Variants in ZDHHC20 observed in about 807,000 individuals in gnomAD.
ZDHHC20 encodes the protein palmitoyltransferase ZDHHC20.
Under a neutral mutation model 57.8 loss-of-function variants are expected in ZDHHC20, and 43 were observed. That is an observed-to-expected ratio of 0.74 (90% CI 0.58 to 0.96). The LOEUF (loss-of-function observed/expected upper bound fraction) is 0.96. ZDHHC20 is among the 40% of genes least tolerant of loss of function. The probability of loss-of-function intolerance (pLI) is 0.00; values close to 1 mark genes in which losing one functional copy is unlikely to be tolerated. For missense variants in ZDHHC20, 391 were observed against 441.1 expected (o/e 0.89, Z 1.02); for synonymous variants, 157 against 153.0 (o/e 1.03, Z -0.19).
Position 21,401,638 on chromosome 13 carries a change from T to G in ZDHHC20, c.473+15A>C, listed in dbSNP as rs772064720. On this transcript the variant is annotated intron_variant, in intron 6 of 12. Coordinates refer to ENST00000400590, the MANE Select transcript of ZDHHC20 (RefSeq NM_001330059.2). ...CTCACCACCAATGCAATTTCTTCTG[T>G]TTTTTTATACATACCAAGGACAGTG... 10 of 1,534,150 alleles carry G rather than the reference T, an allele frequency of 6.5e-6. No homozygotes were observed. The Admixed American group carries it at 1.1e-4, about 17-fold the overall frequency.
chr13:21,397,160 C>A (rs111564778), intron 7 of ZDHHC20, among the ~76,000 whole-genome samples: 2 of 151,918 alleles, frequency 1.3e-5, no homozygotes, highest in Admixed American at 6.6e-5. Flanking sequence ...TTTGGGAGAC[C>A]GAGGCGGGCG....
rs374070850 is a variant in ZDHHC20, at chr13:21,375,236, C to T, written c.*1460G>A. 1 of 452,038 alleles carries T rather than the reference C, an allele frequency of 2.2e-6. No individual in the cohort carries two copies. The highest frequency in any genetic ancestry group is 4.4e-6 in the Non-Finnish European group (1 of 224,972). The allele number at this position is 452,038 out of a possible 1,614,324, so 28.0% of individuals were successfully genotyped here. A position where few individuals can be genotyped will look rare whatever the true frequency, so the allele number is the denominator to read the frequency against. ...CCAGTCCAACTTATTCACAACACCCCCTCCCCTGCAGTCCCATTTTACAGA... is the reference window on the plus strand; with the variant it reads ...CCAGTCCAACTTATTCACAACACCCTCTCCCCTGCAGTCCCATTTTACAGA... On this transcript the variant is annotated 3_prime_UTR_variant, in exon 13 of 13. Transcript: ENST00000400590.
intron 7 of ZDHHC20, among the ~76,000 whole-genome samples, chr13:21,398,342 T>C (rs1877123106): frequency 6.6e-6 from 1 of 151,792 alleles, no homozygotes; most frequent in African/African-American, 2.4e-5. Flanking sequence ...CGGGTGCCTG[T>C]AGTCCCAGCT....
chr13:21,452,695 T>G (rs149475816), intron 1 of ZDHHC20, among the ~76,000 whole-genome samples: 3 of 152,292 alleles, frequency 2.0e-5, no homozygotes, highest in East Asian at 3.9e-4. Context: ...ATGGAAGAGA[T>G]AGAAGTATAC....
At chr13:21,452,164 G>A (rs1281989058) in intron 1 of ZDHHC20, among the ~76,000 whole-genome samples, 4 of 152,074 alleles carry the variant, frequency 2.6e-5, no homozygotes, top group Admixed American at 6.5e-5. Flanking sequence ...GGCATTTGGA[G>A]ACAACATGGA....
chr13:21,380,782 T>C (rs546359327), intron 11 of ZDHHC20, among the ~76,000 whole-genome samples: 2 of 146,444 alleles, frequency 1.4e-5, no homozygotes, highest in Non-Finnish European at 3.0e-5. Context: ...CAGAGCGAAA[T>C]TCCATCTCAA....
chr13:21,404,971 T>G (rs1878243925), intron 4 of ZDHHC20, among the ~76,000 whole-genome samples: 1 of 152,192 alleles, frequency 6.6e-6, no homozygotes, highest in African/African-American at 2.4e-5. Context: ...CAAATTTGCA[T>G]TAGTTAATAT....
rs377017112 is a variant in ZDHHC20 at position 21,431,961 on chromosome 13, A to C, written c.119-6283T>G. ...AAACTCTTAATTTTGATGAAGTCTT[A>C]ATTTAATTTATCAATTTTTTTCTTT... On this transcript the variant is annotated intron_variant, in intron 1 of 12. Coordinates refer to ENST00000400590, the MANE Select transcript of ZDHHC20 (RefSeq NM_001330059.2). 2.2e-4 allele frequency among the ~76,000 whole-genome samples: 33 copies of C among 152,184 alleles called. No homozygotes were observed. The East Asian group carries it at 6.2e-3, about 28-fold the overall frequency.
At chr13:21,443,301 C>CTATG (rs1188968280) in intron 1 of ZDHHC20, among the ~76,000 whole-genome samples, 1 of 152,118 alleles carries the variant, frequency 6.6e-6, no homozygotes, top group Non-Finnish European at 1.5e-5. Flanking sequence ...TTCTCAGTTG[C>CTATG]TATGCTCTGA....
At chr13:21,438,164 T>C (rs536341219) in intron 1 of ZDHHC20, among the ~76,000 whole-genome samples, 24 of 152,322 alleles carry the variant, frequency 1.6e-4, no homozygotes, top group African/African-American at 5.3e-4. Context: ...CTGCAGCCCA[T>C]GGATCAAGGA....
intron 4 of ZDHHC20, among the ~76,000 whole-genome samples, chr13:21,403,780 T>C (rs1053302807): frequency 2.6e-5 from 4 of 152,110 alleles, no homozygotes. Flanking sequence ...CTCCGCCTCC[T>C]GGGTTCAAGC....
intron 3 of ZDHHC20, among the ~76,000 whole-genome samples, chr13:21,420,695 G>A (rs1170184932): frequency 6.6e-6 from 1 of 152,192 alleles, no homozygotes; most frequent in African/African-American, 2.4e-5. Flanking sequence ...TTTAATTGCA[G>A]CATATCTGTT....
chr13:21,438,594 T>C (rs1882795748), intron 1 of ZDHHC20, among the ~76,000 whole-genome samples: 1 of 152,238 alleles, frequency 6.6e-6, no homozygotes, highest in Non-Finnish European at 1.5e-5. Flanking sequence ...ACATGGCATC[T>C]ATACCTGGTG....
At chr13:21,442,496 C>T (rs929187772) in intron 1 of ZDHHC20, among the ~76,000 whole-genome samples, 8 of 152,220 alleles carry the variant, frequency 5.3e-5, no homozygotes, top group Admixed American at 3.9e-4. Context: ...GACTCATGCC[C>T]GTAATCCCAG....
rs759841531 is a variant in ZDHHC20 at position 21,450,757 on chromosome 13, G to GTTT, written c.118+8294_118+8296dup. On this transcript the variant is annotated intron_variant, in intron 1 of 12. Transcript: ENST00000400590. ...AAATGATAAAATTAATAAAAAGGTG[G>GTTT]TTTTTTTTTTTTTTGGAGACAGGGT... Among the ~76,000 whole-genome samples the GTTT allele has an allele frequency of 8.6e-3, 1,207 of 141,098 alleles. 21 individuals are homozygous for GTTT. Among genetic ancestry groups the GTTT allele is most frequent in the African/African-American group, 0.03 (1,153 of 38,738 alleles). The allele number at this position is 141,098 out of a possible 152,430, so 92.6% of individuals were successfully genotyped here.
chr13:21,447,209 G>C (rs1220252096), intron 1 of ZDHHC20, among the ~76,000 whole-genome samples: 1 of 138,948 alleles, frequency 7.2e-6, no homozygotes, highest in Admixed American at 7.6e-5. Flanking sequence ...TGCGGGCTGT[G>C]AGAGAGGGAG....
At chr13:21,424,232 A>G (rs1048617139) in intron 2 of ZDHHC20, among the ~76,000 whole-genome samples, 1 of 152,222 alleles carries the variant, frequency 6.6e-6, no homozygotes, top group Non-Finnish European at 1.5e-5. Flanking sequence ...GGTTACATAT[A>G]CATGCTATTA....
rs1206766043 is a variant in ZDHHC20, at chr13:21,381,525, A to G, written c.969T>C (p.Pro323=). 8.1e-6 allele frequency: 13 copies of G among 1,613,766 alleles called. No homozygotes were observed. In the East Asian group the frequency reaches 2.7e-4, roughly 33 times the overall value. The change falls in exon 11 of 13, where the codon CCT becomes CCC. Residue 323 remains proline, a synonymous_variant. Coordinates refer to ENST00000400590, the MANE Select transcript of ZDHHC20 (RefSeq NM_001330059.2). ...ARSSGSNQPF[P]IKPLSESKNR... Reference sequence around the variant, plus strand: ...TTTTTGATTCACTAAGTGGTTTGATAGGAAAAGGTTGATTTGAGCCACTAC... The same window carrying G: ...TTTTTGATTCACTAAGTGGTTTGATGGGAAAAGGTTGATTTGAGCCACTAC...
At chr13:21,425,577 T>A in intron 2 of ZDHHC20, 75 bp downstream of exon 2, 1 of 1,054,132 alleles carries the variant, frequency 9.5e-7, no homozygotes, top group Non-Finnish European at 1.3e-6. Flanking sequence ...CATGCATTCA[T>A]CACTAAATAA....
Sources: allele counts gnomAD v4.1 joint callset (sites outside exome capture counted in the v4.1 genomes callset), GRCh38; gene constraint gnomAD v4.1.1; transcripts MANE v1.5; gene names NCBI Gene and HGNC (gene_info 2026-07-23, HGNC 2026-07-21).